The following CDH18 variants were observed in gnomAD, a reference collection of about 807,000 sequenced individuals.
CDH18 encodes the protein cadherin-18.
CDH18 carries 31 observed loss-of-function variants against 67.9 expected under a neutral mutation model. That is an observed-to-expected ratio of 0.46 (90% CI 0.34 to 0.62). The LOEUF is 0.62. Among genes scored for constraint, CDH18 ranks in the 20% least tolerant of loss-of-function variants. The pLI, the probability that CDH18 is intolerant of heterozygous loss-of-function variation, is 0.01. For missense variants in CDH18, 890 were observed against 975.5 expected (o/e 0.91, Z 1.17); for synonymous variants, 362 against 347.2 (o/e 1.04, Z -0.48).
chr5:19,893,465 C>T (rs1165161817), intron 2 of CDH18, among the ~76,000 whole-genome samples: 3 of 152,072 alleles, frequency 2.0e-5, no homozygotes, highest in Non-Finnish European at 4.4e-5. Context: ...AAGAAAGGAC[C>T]AAATTGTATT....
intron 5 of CDH18, among the ~76,000 whole-genome samples, chr5:19,624,599 A>G (rs1751230576): frequency 6.6e-6 from 1 of 152,104 alleles, no homozygotes; most frequent in Admixed American, 6.6e-5. Context: ...ACCCTCCTTC[A>G]TTCTGTCACT....
intron 1 of CDH18, among the ~76,000 whole-genome samples, chr5:20,445,586 C>T (rs1361043152): frequency 6.6e-6 from 1 of 152,128 alleles, no homozygotes; most frequent in African/African-American, 2.4e-5. Context: ...GTAGCTAAGA[C>T]TGAATGTGAA....
intron 1 of CDH18, among the ~76,000 whole-genome samples, chr5:20,369,138 T>C (rs998508153): frequency 2.0e-5 from 3 of 152,264 alleles, no homozygotes; most frequent in South Asian, 2.1e-4. Context: ...ATTTTTTTTT[T>C]CCCTTGGATA....
chr5:19,755,446 T>TAC (rs1342535970), intron 3 of CDH18, among the ~76,000 whole-genome samples: 2 of 10,586 alleles, frequency 1.9e-4, no homozygotes, highest in Non-Finnish European at 1.5e-3. Flanking sequence ...TATATATATA[T>TAC]ATATATATAT....
chr5:19,621,977 C>A (rs2150144472), intron 5 of CDH18, among the ~76,000 whole-genome samples: 1 of 152,244 alleles, frequency 6.6e-6, no homozygotes, highest in South Asian at 2.1e-4. Flanking sequence ...GCCATGTGTG[C>A]ATTCATGAAA....
chr5:20,358,789 C>T (rs1440930361), intron 1 of CDH18, among the ~76,000 whole-genome samples: 2 of 151,542 alleles, frequency 1.3e-5, no homozygotes, highest in Admixed American at 1.3e-4. Context: ...TTAAGTAAAG[C>T]AAAACAAAAA....
intron 3 of CDH18, among the ~76,000 whole-genome samples, chr5:19,762,112 C>A (rs965447450): frequency 2.0e-5 from 3 of 152,076 alleles, no homozygotes; most frequent in Non-Finnish European, 2.9e-5. Context: ...TAAAGACTTA[C>A]ATGTTAGACC....
chr5:20,102,339 C>T (rs1746548065), intron 2 of CDH18, among the ~76,000 whole-genome samples: 1 of 152,030 alleles, frequency 6.6e-6, no homozygotes, highest in Non-Finnish European at 1.5e-5. Flanking sequence ...CCTTAATACC[C>T]TCTGGACTGT....
chr5:20,351,154 A>C (rs1379307221), intron 1 of CDH18, among the ~76,000 whole-genome samples: 1 of 128,666 alleles, frequency 7.8e-6, no homozygotes, highest in Non-Finnish European at 1.6e-5. Context: ...AACATAGTAA[A>C]TGTATTTGTG....
intron 1 of CDH18, among the ~76,000 whole-genome samples, chr5:20,461,122 G>A (rs1006892537): frequency 1.3e-5 from 2 of 152,126 alleles, no homozygotes; most frequent in South Asian, 4.1e-4. Flanking sequence ...TGTCAGGCTT[G>A]GTCTTGGGTG....
At chr5:19,537,222 C>CT (rs1749558918) in intron 9 of CDH18, among the ~76,000 whole-genome samples, 1 of 152,100 alleles carries the variant, frequency 6.6e-6, no homozygotes, top group African/African-American at 2.4e-5. Context: ...AATTCTCCTG[C>CT]TTCACAGTTT....
At chr5:19,709,872 T>C (rs1764492042) in intron 5 of CDH18, among the ~76,000 whole-genome samples, 1 of 152,122 alleles carries the variant, frequency 6.6e-6, no homozygotes, top group African/African-American at 2.4e-5. Flanking sequence ...CAGTGGCTCA[T>C]GCCTGTAATT....
intron 1 of CDH18, chr5:20,305,159 G>C: frequency 1.4e-6 from 2 of 1,444,968 alleles, no homozygotes; most frequent in South Asian, 2.3e-5. Context: ...CTGGTGAAGG[G>C]AGGGGCGCTG....
intron 1 of CDH18, among the ~76,000 whole-genome samples, chr5:20,285,417 T>C (rs1746619766): frequency 1.4e-5 from 2 of 142,068 alleles, no homozygotes; most frequent in Admixed American, 1.4e-4. Flanking sequence ...TATAATATAA[T>C]ATAATATAAT....
At chr5:20,153,529 A>T (rs765841031) in intron 2 of CDH18, among the ~76,000 whole-genome samples, 13 of 152,320 alleles carry the variant, frequency 8.5e-5, no homozygotes, top group Middle Eastern at 3.4e-3. Context: ...TAAATTGCTG[A>T]AATGTGTATT....
chr5:20,391,737 C>T (rs1744880030), intron 1 of CDH18, among the ~76,000 whole-genome samples: 1 of 151,822 alleles, frequency 6.6e-6, no homozygotes, highest in Non-Finnish European at 1.5e-5. Flanking sequence ...TGTGTAAAAC[C>T]CAGAAATGCC....
chr5:20,399,429 G>A (rs1745570690), intron 1 of CDH18, among the ~76,000 whole-genome samples: 1 of 152,120 alleles, frequency 6.6e-6, no homozygotes, highest in Non-Finnish European at 1.5e-5. Flanking sequence ...TCAGCCTGAG[G>A]TAGAATTAAT....
intron 1 of CDH18, among the ~76,000 whole-genome samples, chr5:20,528,430 C>G (rs1260855746): frequency 6.6e-6 from 1 of 151,968 alleles, no homozygotes; most frequent in African/African-American, 2.4e-5. Flanking sequence ...AACTCTCCAC[C>G]CAAAAACAAC....
chr5:20,112,170 G>C (rs1225236299), intron 2 of CDH18, among the ~76,000 whole-genome samples: 1 of 152,052 alleles, frequency 6.6e-6, no homozygotes, highest in Non-Finnish European at 1.5e-5. Flanking sequence ...TGAAATTCTT[G>C]ATTGTCAGAG....
Sources: allele counts gnomAD v4.1 joint callset (sites outside exome capture counted in the v4.1 genomes callset), GRCh38; gene constraint gnomAD v4.1.1; transcripts MANE v1.5; gene names NCBI Gene and HGNC (gene_info 2026-07-23, HGNC 2026-07-21).